The following NEK9 variants were observed in gnomAD, a reference collection of about 807,000 sequenced individuals.
NEK9 encodes NIMA related kinase 9.
NEK9 carries 75 observed loss-of-function variants against 123.4 expected under a neutral mutation model. The observed-to-expected ratio is 0.61, with a 90% CI of 0.50 to 0.74. NEK9 has a LOEUF of 0.74. Among genes scored for constraint, NEK9 ranks in the 30% least tolerant of loss-of-function variants. NEK9 has a pLI of 0.00. For missense variants in NEK9, 952 were observed against 1,214.4 expected, an observed-to-expected ratio of 0.78 and a Z score of 3.21; for synonymous variants, 438 against 458.7, an observed-to-expected ratio of 0.95 and a Z score of 0.58.
At chr14:75,118,226 A>T (rs1373446495) in intron 5 of NEK9, among the ~76,000 whole-genome samples, 1 of 152,212 alleles carries the variant, frequency 6.6e-6, no homozygotes. Flanking sequence ...ATTATTGGCC[A>T]AAATCAGTTT....
chr14:75,088,378 G>T, intron 20 of NEK9, 102 bp downstream of exon 20: 1 of 1,128,772 alleles, frequency 8.9e-7, no homozygotes, highest in Non-Finnish European at 1.3e-6. Flanking sequence ...AGTTGATGCA[G>T]GGCAGCTGAA....
intron 21 of NEK9, chr14:75,084,985 T>C: frequency 3.3e-6 from 1 of 306,792 alleles, no homozygotes; most frequent in Non-Finnish European, 6.4e-6. Context: ...TTCTCCCTGC[T>C]ATAGCTGCCA....
intron 13 of NEK9, 60 bp downstream of exon 13, chr14:75,105,890 T>G: frequency 7.8e-7 from 1 of 1,279,808 alleles, no homozygotes; most frequent in Non-Finnish European, 1.1e-6. Context: ...AAAGAGGACA[T>G]ATTATTGGAG....
intron 6 of NEK9, among the ~76,000 whole-genome samples, chr14:75,115,004 C>A (rs1319434617): frequency 6.6e-6 from 1 of 151,386 alleles, no homozygotes; most frequent in Non-Finnish European, 1.5e-5. Context: ...TACACACATA[C>A]ATATACACAC....
At chr14:75,086,932 A>C in intron 21 of NEK9, 86 bp downstream of exon 21, 1 of 1,367,254 alleles carries the variant, frequency 7.3e-7, no homozygotes, top group Admixed American at 1.7e-5. Context: ...CTGCAAAGGA[A>C]CAAGTCTATT....
Position 75,126,788 on chromosome 14 carries a change from G to C in NEK9, c.134C>G (p.Ala45Gly). Residue 45 changes from alanine to glycine, a missense_variant, in exon 1 of 22, where the codon GCG becomes GGG. Around this residue, in one of 4 missense-constraint regions of NEK9, gnomAD observed 120 missense variants for 97.6 expected, o/e 1.23. Coordinates refer to ENST00000238616, the MANE Select transcript of NEK9 (RefSeq NM_033116.6). ...SQGPRAGGGA[A>G]EQEELHYIPI... ...GATGTAGTGCAGTTCCTCCTGCTCC[G>C]CCGCGCCGCCGCCGGCTCGCGGCCC... The C allele has an allele frequency of 6.5e-7, 1 of 1,530,714 alleles. No homozygotes were observed. Among genetic ancestry groups the C allele is most frequent in the Non-Finnish European group, 8.8e-7 (1 of 1,139,694 alleles). The allele number at this position is 1,530,714 out of a possible 1,614,324, so 94.8% of individuals were successfully genotyped here.
Position 75,080,629 on chromosome 14 carries a change from C to T in NEK9, c.*3935G>A, listed in dbSNP as rs1323767486. On this transcript the variant is annotated 3_prime_UTR_variant, in exon 22 of 22. Transcript: ENST00000238616. ...TCATTAAAAATGTATGCAGATGTGC[C>T]GAGACAGTATTTCTTTTTTTTTTTT... 2 of 151,074 alleles carry T rather than the reference C, an allele frequency of 1.3e-5. No individual in the cohort carries two copies. The highest frequency in any genetic ancestry group is 6.6e-5 in the Admixed American group (1 of 15,182). 9.4% of individuals were successfully genotyped at this position (151,074 alleles called of 1,614,324 possible). A position where few individuals can be genotyped will look rare whatever the true frequency, so the allele number is the denominator to read the frequency against.
rs1392161060 is a variant in NEK9 at position 75,084,298 on chromosome 14, AGAGCTGCT to A, written c.*258_*265del. 2 of 430,402 alleles carry A rather than the reference AGAGCTGCT, an allele frequency of 4.6e-6. No homozygotes were observed. The highest frequency in any genetic ancestry group is 4.0e-5 in the African/African-American group (2 of 50,616). The allele number at this position is 430,402 out of a possible 1,614,324, so 26.7% of individuals were successfully genotyped here. ...AAGGTGGGATCAACAGATGAGGTAC[AGAGCTGCT>A]GTTGCTATGGCAGTCACTGATGACA... On this transcript the variant is annotated 3_prime_UTR_variant, in exon 22 of 22. Transcript: ENST00000238616.
At chr14:75,117,044 T>G in intron 6 of NEK9, 151 bp downstream of exon 6, 1 of 940,006 alleles carries the variant, frequency 1.1e-6, no homozygotes, top group Non-Finnish European at 1.5e-6. Context: ...GCTGGGTCTA[T>G]AGCATTTTAG....
chr14:75,094,137 G>A (rs929136776), intron 18 of NEK9, among the ~76,000 whole-genome samples: 2 of 152,182 alleles, frequency 1.3e-5, no homozygotes, highest in Non-Finnish European at 2.9e-5. Context: ...AAACAGAGAT[G>A]CCAAGCAATG....
At chr14:75,109,985 A>G in intron 9 of NEK9, 108 bp from the exon 10 acceptor site, 1 of 1,122,318 alleles carries the variant, frequency 8.9e-7, no homozygotes, top group Non-Finnish European at 1.3e-6. Context: ...GGTATGAGAA[A>G]GTATGTTCTT....
intron 6 of NEK9, among the ~76,000 whole-genome samples, chr14:75,115,953 C>T (rs1343465259): frequency 6.6e-6 from 1 of 152,088 alleles, no homozygotes; most frequent in Admixed American, 6.5e-5. Flanking sequence ...AACAGATAAA[C>T]ATTTTTTTCC....
intron 19 of NEK9, among the ~76,000 whole-genome samples, chr14:75,089,185 G>C (rs1894127138): frequency 6.6e-6 from 1 of 151,910 alleles, no homozygotes; most frequent in African/African-American, 2.4e-5. Flanking sequence ...TTCCACATCA[G>C]CCTCCTGAGT....
chr14:75,124,019 GA>G, intron 2 of NEK9, 26 bp downstream of exon 2: 1 of 1,580,416 alleles, frequency 6.3e-7, no homozygotes, highest in South Asian at 1.1e-5. Flanking sequence ...AGTCTTGCTG[GA>G]AAAGTCCCAC....
At chr14:75,106,259 T>G in intron 12 of NEK9, 1 of 580,890 alleles carries the variant, frequency 1.7e-6, no homozygotes, top group Non-Finnish European at 3.0e-6. Context: ...CTCGGGAGGC[T>G]GAGGCAGGAG....
intron 4 of NEK9, among the ~76,000 whole-genome samples, chr14:75,119,977 C>A (rs1895272174): frequency 6.6e-6 from 1 of 152,146 alleles, no homozygotes; most frequent in African/African-American, 2.4e-5. Context: ...TATAATTAAT[C>A]TCTGGCACCA....
At chr14:75,099,313 A>C (rs1482199675) in intron 16 of NEK9, among the ~76,000 whole-genome samples, 1 of 151,676 alleles carries the variant, frequency 6.6e-6, no homozygotes, top group Non-Finnish European at 1.5e-5. Flanking sequence ...TGACAGAGCG[A>C]GACTCTGTCT....
Position 75,110,316 on chromosome 14 carries a change from A to T in NEK9, c.989+5T>A. ...ATTAGTTTTTAAGAGTCTCTTGAACATTACCTTGGTCTCTTTGTAGGTGCA... is the reference window on the plus strand; with the variant it reads ...ATTAGTTTTTAAGAGTCTCTTGAACTTTACCTTGGTCTCTTTGTAGGTGCA... On this transcript the variant is annotated splice_donor_5th_base_variant and intron_variant, in intron 9 of 21. Coordinates refer to ENST00000238616, the MANE Select transcript of NEK9 (RefSeq NM_033116.6). 2 of 1,610,170 alleles carry T rather than the reference A, an allele frequency of 1.2e-6. No individual in the cohort carries two copies. The highest frequency in any genetic ancestry group is 1.7e-6 in the Non-Finnish European group (2 of 1,177,026).
intron 1 of NEK9, 101 bp downstream of exon 1, chr14:75,126,602 A>T: frequency 1.1e-6 from 1 of 907,164 alleles, no homozygotes; most frequent in Non-Finnish European, 1.5e-6. Context: ...GTGGGCGCCT[A>T]AAGCACTAAG....
Sources: allele counts gnomAD v4.1 joint callset (sites outside exome capture counted in the v4.1 genomes callset), GRCh38; gene constraint gnomAD v4.1.1; regional missense constraint gnomAD v4.1.1; transcripts MANE v1.5; gene names NCBI Gene and HGNC (gene_info 2026-07-23, HGNC 2026-07-21).